PEBP4: variants seen among roughly 807,000 people sequenced by gnomAD.
The protein encoded by PEBP4 is phosphatidylethanolamine binding protein 4, also known as phosphatidylethanolamine-binding protein 4.
In PEBP4, 22 loss-of-function variants were observed where a neutral mutation model predicts 23.9. The observed-to-expected ratio is 0.92, with a 90% CI of 0.66 to 1.31. PEBP4 has a LOEUF of 1.31. PEBP4 is among the 40% of genes most tolerant of loss of function. The pLI is 0.00. For synonymous variants in PEBP4, 112 were observed against 99.3 expected (o/e 1.13, Z -0.76); for missense variants, 324 against 281.7 (o/e 1.15, Z -1.07).
At chr8:22,805,168 C>T in intron 4 of PEBP4, among the ~76,000 whole-genome samples, 1 of 152,184 alleles carries the variant, frequency 6.6e-6, no homozygotes, top group Non-Finnish European at 1.5e-5. Context: ...ACTTTTAGGG[C>T]AGGTCAGCTA....
intron 3 of PEBP4, among the ~76,000 whole-genome samples, chr8:22,909,468 G>A (rs534225198): frequency 3.3e-5 from 5 of 152,246 alleles, no homozygotes; most frequent in Admixed American, 1.3e-4. Flanking sequence ...TAATTTCCTC[G>A]GCTGAATCAC....
At position 22,879,634 on chromosome 8, in the gene PEBP4, C is replaced by T. The variant is rs564111225; in HGVS notation, c.258+40550G>A. Among the ~76,000 whole-genome samples, 11 of 152,328 alleles carry T rather than the reference C, an allele frequency of 7.2e-5. No homozygotes were observed. The South Asian group carries it at 2.3e-3, about 32-fold the overall frequency. On this transcript the variant is annotated intron_variant, in intron 3 of 6. Transcript: ENST00000256404. ...GACTACCACCGGGCTATTGTCACCACGTTATCCCACGAGGGTCGAGGGTCG... is the reference window on the plus strand; with the variant it reads ...GACTACCACCGGGCTATTGTCACCATGTTATCCCACGAGGGTCGAGGGTCG...
At chr8:22,913,379 C>T (rs886265175) in intron 3 of PEBP4, among the ~76,000 whole-genome samples, 1 of 152,072 alleles carries the variant, frequency 6.6e-6, no homozygotes, top group Non-Finnish European at 1.5e-5. Flanking sequence ...CTCCTCTGTG[C>T]ACCTTTACTT....
At chr8:22,890,019 T>A (rs528726156) in intron 3 of PEBP4, among the ~76,000 whole-genome samples, 86 of 152,328 alleles carry the variant, frequency 5.6e-4, no homozygotes, top group African/African-American at 1.9e-3. Context: ...CACCAGATGT[T>A]ACCTGGAAGA....
At chr8:22,849,110 C>T (rs1392866923) in intron 3 of PEBP4, among the ~76,000 whole-genome samples, 1 of 152,166 alleles carries the variant, frequency 6.6e-6, no homozygotes, top group Admixed American at 6.5e-5. Context: ...AAGACTTCAG[C>T]AAGAATGGCT....
intron 4 of PEBP4, among the ~76,000 whole-genome samples, chr8:22,800,788 T>C (rs1424692659): frequency 6.6e-6 from 1 of 152,164 alleles, no homozygotes; most frequent in Non-Finnish European, 1.5e-5. Flanking sequence ...GCAGCAGACA[T>C]GCTTCTTGGA....
At chr8:22,750,783 A>T (rs1370549770) in intron 4 of PEBP4, among the ~76,000 whole-genome samples, 2 of 152,202 alleles carry the variant, frequency 1.3e-5, no homozygotes, top group South Asian at 2.1e-4. Context: ...CAAAGGGGTC[A>T]GTCTGTACAG....
At chr8:22,845,041 G>A (rs866970028) in intron 3 of PEBP4, among the ~76,000 whole-genome samples, 1 of 152,234 alleles carries the variant, frequency 6.6e-6, no homozygotes, top group Non-Finnish European at 1.5e-5. Flanking sequence ...ATGCAAAGGG[G>A]AGAGCAGCAG....
intron 3 of PEBP4, among the ~76,000 whole-genome samples, chr8:22,832,800 C>T (rs1329338086): frequency 6.6e-6 from 1 of 152,142 alleles, no homozygotes; most frequent in Non-Finnish European, 1.5e-5. Flanking sequence ...GGAGAGACTG[C>T]CCTTCCCAGG....
At chr8:22,860,209 C>CATATATATATGTATATATATATACACAT (rs200272561) in intron 3 of PEBP4, among the ~76,000 whole-genome samples, 1 of 106,204 alleles carries the variant, frequency 9.4e-6, no homozygotes, top group Non-Finnish European at 2.0e-5. Context: ...TATATATACA[C>CATATATATATGTATATATATATACACAT]ATATATGTAT....
intron 6 of PEBP4, among the ~76,000 whole-genome samples, chr8:22,721,843 C>T (rs1021686003): frequency 6.6e-6 from 1 of 152,160 alleles, no homozygotes; most frequent in African/African-American, 2.4e-5. Flanking sequence ...CAGCCCTGGG[C>T]TCCGTAAGTC....
At chr8:22,740,479 T>A (rs1196053277) in intron 4 of PEBP4, among the ~76,000 whole-genome samples, 1 of 152,186 alleles carries the variant, frequency 6.6e-6, no homozygotes, top group Non-Finnish European at 1.5e-5. Context: ...AACAAGAACC[T>A]GAGGCGACTT....
At chr8:22,863,331 G>A (rs2128769039) in intron 3 of PEBP4, among the ~76,000 whole-genome samples, 1 of 152,220 alleles carries the variant, frequency 6.6e-6, no homozygotes, top group South Asian at 2.1e-4. Context: ...CTGCACAGCT[G>A]GCTCCAATTG....
At chr8:22,817,885 C>A (rs1386802916) in intron 3 of PEBP4, 150 bp from the exon 4 acceptor site, 2 of 674,838 alleles carry the variant, frequency 3.0e-6, no homozygotes, top group East Asian at 2.7e-5. Context: ...CTCGTGACAT[C>A]CCTCTCACAT....
chr8:22,764,801 C>T (rs1448355751), intron 4 of PEBP4, among the ~76,000 whole-genome samples: 3 of 151,992 alleles, frequency 2.0e-5, no homozygotes, highest in African/African-American at 4.8e-5. Context: ...ACATTGGTCA[C>T]TCCTGTCCCC....
intron 4 of PEBP4, among the ~76,000 whole-genome samples, chr8:22,770,897 T>C (rs549010914): frequency 5.2e-4 from 79 of 152,358 alleles, no homozygotes; most frequent in African/African-American, 1.9e-3. Flanking sequence ...TGCTACCACT[T>C]TCTTGAGCAA....
chr8:22,859,080 G>A (rs1327954671), intron 3 of PEBP4, among the ~76,000 whole-genome samples: 2 of 152,188 alleles, frequency 1.3e-5, no homozygotes, highest in African/African-American at 2.4e-5. Flanking sequence ...CCCAACATGC[G>A]GAATTCCAAG....
At chr8:22,918,929 G>GTGCA (rs1563261198) in intron 3 of PEBP4, among the ~76,000 whole-genome samples, 2 of 151,026 alleles carry the variant, frequency 1.3e-5, no homozygotes, top group Admixed American at 6.6e-5. Context: ...GTGTGTGTGT[G>GTGCA]CACATGTGCA....
At chr8:22,715,383 C>T (rs189630549) in intron 6 of PEBP4, among the ~76,000 whole-genome samples, 43 of 152,338 alleles carry the variant, frequency 2.8e-4, no homozygotes, top group Admixed American at 1.4e-3. Context: ...ACCCTGGGAA[C>T]GAGTGTGTGC....
Sources: gnomAD v4.1 joint callset for allele counts (sites outside exome capture counted in the v4.1 genomes callset) on GRCh38, gnomAD v4.1.1 for gene constraint, MANE v1.5 for transcripts, NCBI Gene and HGNC (gene_info 2026-07-23, HGNC 2026-07-21) for gene names.